The following FOXP1 variants were observed in gnomAD, a reference collection of about 807,000 sequenced individuals.
The protein encoded by FOXP1 is forkhead box protein P1.
In FOXP1, 15 loss-of-function variants were observed where a neutral mutation model predicts 98.2. The ratio of observed to expected loss-of-function variants is 0.15; its 90% CI spans 0.10 to 0.24. The LOEUF (loss-of-function observed/expected upper bound fraction) is 0.24. FOXP1 is among the 10% of genes least tolerant of loss of function. The pLI is 1.00. For missense variants in FOXP1, 633 were observed against 848.5 expected (o/e 0.75, Z 3.15); for synonymous variants, 371 against 314.5 (o/e 1.18, Z -1.90).
At chr3:71,453,060 T>C (rs545265948) in intron 3 of FOXP1, among the ~76,000 whole-genome samples, 1 of 152,308 alleles carries the variant, frequency 6.6e-6, no homozygotes, top group Non-Finnish European at 1.5e-5. Context: ...TTCTTTTAAA[T>C]TAACTGTGTG....
At chr3:71,375,287 G>A (rs1319618012) in intron 3 of FOXP1, among the ~76,000 whole-genome samples, 1 of 152,150 alleles carries the variant, frequency 6.6e-6, no homozygotes, top group African/African-American at 2.4e-5. Context: ...AAACCCAAGG[G>A]ATTCCTCTCT....
chr3:71,235,915 T>C (rs2066732256), intron 5 of FOXP1, among the ~76,000 whole-genome samples: 1 of 152,220 alleles, frequency 6.6e-6, no homozygotes, highest in African/African-American at 2.4e-5. Context: ...GTAAGGTAAA[T>C]TCTGTACTAG....
At chr3:71,223,999 CT>C (rs2065631521) in intron 5 of FOXP1, among the ~76,000 whole-genome samples, 1 of 152,182 alleles carries the variant, frequency 6.6e-6, no homozygotes, top group Non-Finnish European at 1.5e-5. Context: ...TTGCTAATTT[CT>C]TCCTCCTCAT....
At chr3:71,414,275 C>T (rs1348625683) in intron 3 of FOXP1, among the ~76,000 whole-genome samples, 1 of 152,202 alleles carries the variant, frequency 6.6e-6, no homozygotes, top group South Asian at 2.1e-4. Flanking sequence ...CATAAAGAAT[C>T]CACCGCATCA....
At chr3:70,972,340 G>T in intron 18 of FOXP1, 1 of 869,102 alleles carries the variant, frequency 1.2e-6, no homozygotes, top group Non-Finnish European at 1.8e-6. Context: ...CCACCTAAAA[G>T]CTACTAGCAT....
At chr3:71,326,311 C>T (rs1376872839) in intron 4 of FOXP1, among the ~76,000 whole-genome samples, 1 of 152,200 alleles carries the variant, frequency 6.6e-6, no homozygotes, top group Non-Finnish European at 1.5e-5. Context: ...TTGTCCTGTA[C>T]ATACCCAATG....
chr3:71,076,278 A>C (rs2053798143), intron 7 of FOXP1, among the ~76,000 whole-genome samples: 1 of 152,204 alleles, frequency 6.6e-6, no homozygotes, highest in Admixed American at 6.5e-5. Flanking sequence ...TCAAGTTCCC[A>C]ATACCCAACT....
rs557239673 is a variant in FOXP1, at chr3:71,582,358, A to T, written c.-446-661T>A. The stretch of plus-strand genomic sequence containing the variant: ...ACCGCGACCCCGCGGCAACTGGCAA[A>T]CTCCTCGGCTCCCGGCGCCGCCGCC... On this transcript the variant is annotated intron_variant, in intron 1 of 20. Transcript: ENST00000649528. 3.6e-4 allele frequency: 346 copies of T among 972,800 alleles called. No individual in the cohort carries two copies. The East Asian group carries it at 6.1e-3, about 17-fold the overall frequency. 60.3% of individuals were successfully genotyped at this position (972,800 alleles called of 1,614,324 possible).
In FOXP1 at chr3:71,060,970, T is replaced by C. The variant is rs141022204; in HGVS notation, c.283-7197A>G. The stretch of plus-strand genomic sequence containing the variant: ...AATTTCTCCTCAAACAACTCACAGG[T>C]TGGAAGAGGGACTCAATGAAGAGCA... On this transcript the variant is annotated intron_variant, in intron 7 of 20. Transcript: ENST00000649528. 2.6e-4 allele frequency among the ~76,000 whole-genome samples: 39 copies of C among 152,252 alleles called. No homozygotes were observed. The East Asian group carries it at 6.9e-3, about 27-fold the overall frequency.
chr3:71,235,779 G>T (rs912609436), intron 5 of FOXP1, among the ~76,000 whole-genome samples: 1 of 152,148 alleles, frequency 6.6e-6, no homozygotes, highest in Non-Finnish European at 1.5e-5. Flanking sequence ...TGTTAGCCAG[G>T]ATGGTCTCTA....
chr3:71,098,678 T>C (rs920646968), intron 7 of FOXP1, among the ~76,000 whole-genome samples: 2 of 152,228 alleles, frequency 1.3e-5, no homozygotes, highest in African/African-American at 4.8e-5. Flanking sequence ...AACTCATTCA[T>C]GAATAAGTGT....
chr3:71,522,244 T>A (rs980655877), intron 2 of FOXP1, among the ~76,000 whole-genome samples: 1 of 152,140 alleles, frequency 6.6e-6, no homozygotes, highest in Admixed American at 6.5e-5. Context: ...CGCTGGGACA[T>A]CCAATCTAGA....
chr3:71,278,083 G>A (rs1012679365), intron 5 of FOXP1, among the ~76,000 whole-genome samples: 5 of 152,154 alleles, frequency 3.3e-5, no homozygotes, highest in African/African-American at 9.7e-5. Context: ...GGCATGCTGG[G>A]TGAATGGCTG....
intron 5 of FOXP1, among the ~76,000 whole-genome samples, chr3:71,294,922 G>A (rs1374975875): frequency 6.6e-6 from 1 of 150,584 alleles, no homozygotes; most frequent in Non-Finnish European, 1.5e-5. Flanking sequence ...TAAAGACAAA[G>A]CCCCAAGGGA....
Position 71,509,372 on chromosome 3 carries a change from G to C in FOXP1, c.-297-15817C>G, listed in dbSNP as rs182400909. ...CCATCTTCCCTCTGTGTCATCACACGGTCTTCCCGTGTGGGTTTTTGTTAG... is the reference window on the plus strand; with the variant it reads ...CCATCTTCCCTCTGTGTCATCACACCGTCTTCCCGTGTGGGTTTTTGTTAG... On this transcript the variant is annotated intron_variant, in intron 2 of 20. Coordinates refer to ENST00000649528, the MANE Select transcript of FOXP1 (RefSeq NM_001349338.3). Among the ~76,000 whole-genome samples, 18 of 152,088 alleles carry C rather than the reference G, an allele frequency of 1.2e-4. 1 individual carries two copies. Among genetic ancestry groups the C allele is most frequent in the Non-Finnish European group, 2.5e-4 (17 of 68,018 alleles).
chr3:71,302,600 C>T (rs559833352), intron 4 of FOXP1: 12 of 150,428 alleles, frequency 8.0e-5, no homozygotes, highest in Admixed American at 2.6e-4. Flanking sequence ...TGTCTCCATA[C>T]GAATTGCGTT....
chr3:71,085,517 T>TA (rs1159310888), intron 7 of FOXP1, among the ~76,000 whole-genome samples: 6 of 152,004 alleles, frequency 3.9e-5, no homozygotes, highest in Non-Finnish European at 7.4e-5. Context: ...ATTTTCCTGT[T>TA]ACTGTGAAAT....
intron 11 of FOXP1, among the ~76,000 whole-genome samples, chr3:71,022,338 T>C (rs565092647): frequency 2.6e-5 from 4 of 152,378 alleles, no homozygotes; most frequent in South Asian, 4.1e-4. Context: ...GCTCATGTTT[T>C]CAAAAGAATT....
At chr3:71,428,185 C>T (rs920854407) in intron 3 of FOXP1, among the ~76,000 whole-genome samples, 3 of 152,144 alleles carry the variant, frequency 2.0e-5, no homozygotes, top group South Asian at 2.1e-4. Context: ...CTCATACCCT[C>T]AGAACAAGGC....
Sources: allele counts gnomAD v4.1 joint callset (sites outside exome capture counted in the v4.1 genomes callset), GRCh38; gene constraint gnomAD v4.1.1; transcripts MANE v1.5; gene names NCBI Gene and HGNC (gene_info 2026-07-23, HGNC 2026-07-21).